SV2C: variants seen among roughly 807,000 people sequenced by gnomAD.
SV2C encodes the protein synaptic vesicle glycoprotein 2C.
Under a neutral mutation model 79.7 loss-of-function variants are expected in SV2C, and 49 were observed. The ratio of observed to expected loss-of-function variants is 0.61; its 90% confidence interval spans 0.49 to 0.78. The LOEUF (loss-of-function observed/expected upper bound fraction) is 0.78, where lower values mean the gene tolerates loss of function less well. SV2C is among the 30% of genes least tolerant of loss of function. The probability of loss-of-function intolerance (pLI) is 0.00; values close to 1 mark genes in which losing one functional copy is unlikely to be tolerated. For synonymous variants in SV2C, 334 were observed against 333.2 expected (o/e 1.00, Z -0.03); for missense variants, 833 against 912.9 (o/e 0.91, Z 1.13).
chr5:76,110,085 G>A (rs915094530), intron 1 of SV2C, among the ~76,000 whole-genome samples: 2 of 152,166 alleles, frequency 1.3e-5, no homozygotes, highest in Non-Finnish European at 2.9e-5. Context: ...ACTGTAAGTG[G>A]TGTCCCTCTG....
chr5:76,036,776 A>G, the SV2C span, among the ~76,000 whole-genome samples: 1 of 152,040 alleles, frequency 6.6e-6, no homozygotes, highest in African/African-American at 2.4e-5. Context: ...TATTTCCTGA[A>G]TCTGAATGTT....
chr5:76,314,698 G>A (rs557482810), intron 12 of SV2C, among the ~76,000 whole-genome samples: 1 of 152,294 alleles, frequency 6.6e-6, no homozygotes, highest in South Asian at 2.1e-4. Context: ...ACAGAGAGGG[G>A]AAGTAACTTG....
At chr5:76,006,398 A>G in the SV2C span, among the ~76,000 whole-genome samples, 2 of 152,164 alleles carry the variant, frequency 1.3e-5, no homozygotes, top group Non-Finnish European at 2.9e-5. Flanking sequence ...TTGTTTAGGC[A>G]ATGTAGCTTA....
intron 4 of SV2C, among the ~76,000 whole-genome samples, chr5:76,227,303 G>A (rs1326037959): frequency 1.3e-5 from 2 of 152,154 alleles, no homozygotes; most frequent in African/African-American, 2.4e-5. Flanking sequence ...GTCTGTGCTC[G>A]AGGATACTCC....
At chr5:76,261,213 G>A (rs1306081485) in intron 4 of SV2C, among the ~76,000 whole-genome samples, 1 of 152,104 alleles carries the variant, frequency 6.6e-6, no homozygotes, top group East Asian at 1.9e-4. Context: ...AATTGTGAAT[G>A]GGAGGTCACT....
chr5:75,942,819 A>G, the SV2C span, among the ~76,000 whole-genome samples: 1 of 152,086 alleles, frequency 6.6e-6, no homozygotes, highest in Non-Finnish European at 1.5e-5. Context: ...AGGGTTTTGG[A>G]TTAAAGGAAG....
At chr5:76,209,363 A>G (rs542226376) in intron 3 of SV2C, among the ~76,000 whole-genome samples, 2 of 152,328 alleles carry the variant, frequency 1.3e-5, no homozygotes, top group East Asian at 3.9e-4. Flanking sequence ...TTTAAAAACA[A>G]GTTAATTAAA....
In SV2C at chr5:76,174,226, G is replaced by A. The variant is rs186302258; in HGVS notation, c.581-20693G>A. ...ACCTAGTACTCTGCGAACCTCTCACGCTGTCACCGGGTCTCTGCAGCCAGC... is the reference window on the plus strand; with the variant it reads ...ACCTAGTACTCTGCGAACCTCTCACACTGTCACCGGGTCTCTGCAGCCAGC... On this transcript the variant is annotated intron_variant, in intron 2 of 12. Transcript: ENST00000502798. The A allele has an allele frequency of 7.5e-5, 119 of 1,584,984 alleles. No homozygotes were observed. The African/African-American group carries it at 1.2e-3, about 15-fold the overall frequency.
rs1747336299 is a variant in SV2C at position 76,285,773 on chromosome 5, T to G, written c.1048-8T>G. ...CCTAGCGCTTCACTGTCCACTCTCA[T>G]TTCTTAGGTTGGAAAACATGATGAA... On this transcript the variant is annotated splice_polypyrimidine_tract_variant and splice_region_variant and intron_variant, in intron 5 of 12. Transcript: ENST00000502798. 1 of 1,612,990 alleles carries G rather than the reference T, an allele frequency of 6.2e-7. No homozygotes were observed. The highest frequency in any genetic ancestry group is 8.5e-7 in the Non-Finnish European group (1 of 1,179,520).
At chr5:75,887,561 C>T in the SV2C span, among the ~76,000 whole-genome samples, 1 of 152,110 alleles carries the variant, frequency 6.6e-6, no homozygotes, top group Non-Finnish European at 1.5e-5. Flanking sequence ...CAGGGTTTAT[C>T]TTCCATCGTC....
chr5:76,136,781 A>C (rs1749085515), intron 2 of SV2C, among the ~76,000 whole-genome samples: 1 of 152,234 alleles, frequency 6.6e-6, no homozygotes, highest in South Asian at 2.1e-4. Context: ...AGATAAAAGG[A>C]AGGATGGCAC....
intron 1 of SV2C, among the ~76,000 whole-genome samples, chr5:76,098,254 C>A (rs1306783795): frequency 6.6e-6 from 1 of 152,174 alleles, no homozygotes; most frequent in Non-Finnish European, 1.5e-5. Flanking sequence ...AGAGTGGGAG[C>A]CTCCTGACTT....
intron 3 of SV2C, among the ~76,000 whole-genome samples, chr5:76,199,006 G>C (rs891901188): frequency 2.6e-5 from 4 of 152,104 alleles, no homozygotes; most frequent in African/African-American, 9.7e-5. Context: ...AAAGAGGAGG[G>C]AGAAAACAAT....
At chr5:76,094,382 T>A (rs1747477491) in intron 1 of SV2C, among the ~76,000 whole-genome samples, 1 of 152,234 alleles carries the variant, frequency 6.6e-6, no homozygotes, top group Non-Finnish European at 1.5e-5. Context: ...TTGGTTTTGC[T>A]TATACTTGAA....
intron 2 of SV2C, among the ~76,000 whole-genome samples, chr5:76,182,000 TCCTAC>T (rs1305087553): frequency 3.3e-5 from 5 of 152,178 alleles, no homozygotes; most frequent in East Asian, 3.9e-4. Context: ...TTCTCATGCC[TCCTAC>T]GTTAGACCTT....
chr5:76,136,082 AC>A (rs1253837426), intron 2 of SV2C, among the ~76,000 whole-genome samples: 2 of 152,256 alleles, frequency 1.3e-5, no homozygotes, highest in Non-Finnish European at 2.9e-5. Flanking sequence ...ATATTTAGGA[AC>A]TAAAATATTA....
At chr5:76,164,742 G>A (rs1019669136) in intron 2 of SV2C, among the ~76,000 whole-genome samples, 20 of 151,664 alleles carry the variant, frequency 1.3e-4, no homozygotes, top group Non-Finnish European at 2.8e-4. Context: ...GTGTGTGTGT[G>A]TGTGTGTGTA....
At chr5:76,190,502 G>A (rs1305938206) in intron 2 of SV2C, among the ~76,000 whole-genome samples, 1 of 152,216 alleles carries the variant, frequency 6.6e-6, no homozygotes, top group Non-Finnish European at 1.5e-5. Flanking sequence ...ATATTGCCCA[G>A]GGGATCTGAT....
At chr5:76,212,352 G>A (rs527998097) in intron 4 of SV2C, among the ~76,000 whole-genome samples, 1 of 152,146 alleles carries the variant, frequency 6.6e-6, no homozygotes, top group African/African-American at 2.4e-5. Flanking sequence ...GCTGCTCCAG[G>A]TAGGTAGCCA....
Sources: gnomAD v4.1 joint callset for allele counts (sites outside exome capture counted in the v4.1 genomes callset) on GRCh38, gnomAD v4.1.1 for gene constraint, MANE v1.5 for transcripts, NCBI Gene and HGNC (gene_info 2026-07-23, HGNC 2026-07-21) for gene names.